The following ASXL2 variants were observed in gnomAD, a reference collection of about 807,000 sequenced individuals.
ASXL2 encodes putative Polycomb group protein ASXL2.
A neutral mutation model predicts 122.0 loss-of-function variants in ASXL2; 23 were observed. That is an observed-to-expected ratio of 0.19 (90% confidence interval 0.14 to 0.27). The LOEUF is 0.27. ASXL2 is among the 10% of genes least tolerant of loss of function. The pLI is 1.00. For synonymous variants in ASXL2, 650 were observed against 637.0 expected (o/e 1.02, Z -0.31); for missense variants, 1,518 against 1,713.8 (o/e 0.89, Z 2.02).
Position 25,742,024 on chromosome 2 carries a change from T to C in ASXL2, c.*5A>G, listed in dbSNP as rs2087836903. 6.2e-7 allele frequency: 1 copy of C among 1,607,464 alleles called. No homozygotes were observed. On this transcript the variant is annotated 3_prime_UTR_variant, in exon 13 of 13. Coordinates refer to ENST00000435504, the MANE Select transcript of ASXL2 (RefSeq NM_018263.6). ...TCCTTTACAGTGTATCTCTTTCTAG[T>C]CTCATTACCGAACGACAAGGCAGGA...
intron 1 of ASXL2, among the ~76,000 whole-genome samples, chr2:25,858,483 G>A (rs558215679): frequency 8.6e-5 from 13 of 151,786 alleles, no homozygotes; most frequent in Non-Finnish European, 1.9e-4. Flanking sequence ...CCAGCACTTT[G>A]GGAGGCTGAG....
chr2:25,789,260 A>G (rs1205900912), intron 5 of ASXL2, among the ~76,000 whole-genome samples: 10 of 152,086 alleles, frequency 6.6e-5, no homozygotes, highest in Middle Eastern at 3.4e-3. Flanking sequence ...TAACCACTCT[A>G]TATAGTTTTA....
chr2:25,777,723 T>C (rs1486187032), intron 5 of ASXL2, among the ~76,000 whole-genome samples: 2 of 152,160 alleles, frequency 1.3e-5, no homozygotes, highest in Non-Finnish European at 2.9e-5. Context: ...ACAAGTATCT[T>C]CTATGTGCCT....
chr2:25,806,015 T>G (rs1405909977), intron 4 of ASXL2, among the ~76,000 whole-genome samples: 2 of 152,198 alleles, frequency 1.3e-5, no homozygotes, highest in Non-Finnish European at 2.9e-5. Context: ...GATAAGATTA[T>G]CATCAAGAAT....
rs550793744 is a variant in ASXL2, at chr2:25,834,939, C to A, written c.143+599G>T. Among the ~76,000 whole-genome samples, 19 of 152,242 alleles carry A rather than the reference C, an allele frequency of 1.2e-4. No homozygotes were observed. In the East Asian group the frequency reaches 3.5e-3, roughly 28 times the overall value. On this transcript the variant is annotated intron_variant, in intron 3 of 12. Coordinates refer to ENST00000435504, the MANE Select transcript of ASXL2 (RefSeq NM_018263.6). ...GTGGGTTCAAGCAATTCTCCTGTCT[C>A]AGCCTCCCGAGTAGCTGGGATTACG...
At chr2:25,870,110 C>T (rs959049852) in intron 1 of ASXL2, among the ~76,000 whole-genome samples, 1 of 152,114 alleles carries the variant, frequency 6.6e-6, no homozygotes, top group African/African-American at 2.4e-5. Flanking sequence ...ATTACAGAAT[C>T]TCCACTCAAG....
intron 9 of ASXL2, among the ~76,000 whole-genome samples, chr2:25,756,691 A>C (rs2088141529): frequency 6.6e-6 from 1 of 152,188 alleles, no homozygotes; most frequent in South Asian, 2.1e-4. Flanking sequence ...TAGACCACAA[A>C]TACTTTAACT....
intron 9 of ASXL2, among the ~76,000 whole-genome samples, 167 bp from the exon 10 acceptor site, chr2:25,756,281 C>A (rs1396260477): frequency 6.6e-6 from 1 of 151,332 alleles, no homozygotes; most frequent in Non-Finnish European, 1.5e-5. Flanking sequence ...AATGTAATAT[C>A]ACTTTGTTCT....
chr2:25,762,698 A>G (rs1326750404), intron 8 of ASXL2, among the ~76,000 whole-genome samples: 3 of 131,940 alleles, frequency 2.3e-5, no homozygotes, highest in African/African-American at 9.0e-5. Context: ...AAGAATAAGA[A>G]GGAAACAAGA....
chr2:25,757,569 G>A (rs1032832723), intron 9 of ASXL2, among the ~76,000 whole-genome samples: 2 of 148,234 alleles, frequency 1.3e-5, no homozygotes, highest in Non-Finnish European at 3.0e-5. Flanking sequence ...CAGCCACTCA[G>A]GAGGCTGAGG....
chr2:25,817,773 G>C (rs1240640547), intron 3 of ASXL2, among the ~76,000 whole-genome samples: 5 of 152,110 alleles, frequency 3.3e-5, no homozygotes, highest in African/African-American at 1.2e-4. Context: ...CACTTAAAAA[G>C]ACACACTGAA....
intron 5 of ASXL2, among the ~76,000 whole-genome samples, chr2:25,795,594 C>T (rs1396309214): frequency 1.3e-5 from 2 of 152,252 alleles, no homozygotes; most frequent in East Asian, 3.9e-4. Context: ...CAAGTATATT[C>T]CCATTTTACA....
intron 5 of ASXL2, among the ~76,000 whole-genome samples, chr2:25,791,680 A>T (rs1255543422): frequency 6.6e-6 from 1 of 152,054 alleles, no homozygotes; most frequent in Admixed American, 6.6e-5. Context: ...TTTTCTTTCC[A>T]TAACACATCC....
chr2:25,800,280 A>G (rs1473551487), intron 4 of ASXL2, among the ~76,000 whole-genome samples: 3 of 152,218 alleles, frequency 2.0e-5, no homozygotes. Flanking sequence ...CATGGGTGAC[A>G]GAGTGAGATC....
intron 1 of ASXL2, among the ~76,000 whole-genome samples, chr2:25,877,416 G>A (rs1420713297): frequency 6.6e-6 from 1 of 151,764 alleles, no homozygotes; most frequent in African/African-American, 2.4e-5. Flanking sequence ...ACACAATTAG[G>A]GGGAAAATTG....
At chr2:25,852,276 A>C (rs1349729755) in intron 1 of ASXL2, among the ~76,000 whole-genome samples, 1 of 152,242 alleles carries the variant, frequency 6.6e-6, no homozygotes, top group Non-Finnish European at 1.5e-5. Flanking sequence ...TAATATATTT[A>C]CTTCTTAGCT....
intron 1 of ASXL2, among the ~76,000 whole-genome samples, chr2:25,872,971 A>C (rs13414077): frequency 0.32 from 48,559 of 151,544 alleles, 8,271 homozygotes; most frequent in African/African-American, 0.41. Flanking sequence ...TTTTGGGGAA[A>C]AGGTGGTGTT....
At position 25,744,152 on chromosome 2, in the gene ASXL2, G is replaced by A; in HGVS notation, c.2185C>T (p.Leu729=). ...CTGCTTCCAGTTCCTGCCAGTTCCA[G>A]TGTGGGGCCCTTTCCAGTTTCACTG... ...RVSETGKGPT[L]ELAGTGSRGG... Residue 729 remains leucine, a synonymous_variant, in exon 13 of 13, where the codon CTG becomes TTG. Transcript: ENST00000435504. This position sits in a 1 kb window ranked among gnomAD's most constrained non-coding sequence, Gnocchi z 4.7. The A allele has an allele frequency of 6.2e-7, 1 of 1,614,022 alleles. No homozygotes were observed. The highest frequency in any genetic ancestry group is 8.5e-7 in the Non-Finnish European group (1 of 1,179,882).
intron 3 of ASXL2, among the ~76,000 whole-genome samples, chr2:25,818,306 C>T (rs1374396384): frequency 6.6e-6 from 1 of 152,154 alleles, no homozygotes; most frequent in Non-Finnish European, 1.5e-5. Flanking sequence ...GTCAGGAGAT[C>T]GAGATCAGCC....
Sources: gnomAD v4.1 joint callset for allele counts (sites outside exome capture counted in the v4.1 genomes callset) on GRCh38, gnomAD v4.1.1 for gene constraint, Gnocchi (gnomAD v3.1) non-coding constraint, MANE v1.5 for transcripts, NCBI Gene and HGNC (gene_info 2026-07-23, HGNC 2026-07-21) for gene names.